The following NPAS3 variants were observed in gnomAD, a reference collection of about 807,000 sequenced individuals.
NPAS3 encodes neuronal PAS domain-containing protein 3.
In NPAS3, 14 loss-of-function variants were observed where a neutral mutation model predicts 73.1. That is an observed-to-expected ratio of 0.19 (90% CI 0.13 to 0.30). NPAS3 has a LOEUF of 0.30. NPAS3 is among the 10% of genes least tolerant of loss of function. NPAS3 has a pLI of 1.00. For synonymous variants in NPAS3, 620 were observed against 541.5 expected (o/e 1.14, Z -2.01); for missense variants, 1,096 against 1,250.0 (o/e 0.88, Z 1.86).
chr14:33,784,010 G>A (rs1217570840), intron 9 of NPAS3, among the ~76,000 whole-genome samples: 1 of 152,066 alleles, frequency 6.6e-6, no homozygotes, highest in East Asian at 1.9e-4. Context: ...TAACTCTCAG[G>A]GTACTCGATC....
At chr14:33,784,721 T>TATTTATTTA (rs796407399) in intron 9 of NPAS3, among the ~76,000 whole-genome samples, 1 of 104,068 alleles carries the variant, frequency 9.6e-6, no homozygotes, top group Admixed American at 1.1e-4. Context: ...TTATTGTTAT[T>TATTTATTTA]TTTATTTATT....
At chr14:32,983,535 A>C (rs2037982579) in intron 1 of NPAS3, among the ~76,000 whole-genome samples, 1 of 152,118 alleles carries the variant, frequency 6.6e-6, no homozygotes, top group African/African-American at 2.4e-5. Context: ...TTCCCTTTAT[A>C]GATGAAAAAA....
intron 7 of NPAS3, among the ~76,000 whole-genome samples, chr14:33,762,732 CA>C (rs1198207841): frequency 7.2e-5 from 11 of 152,094 alleles, no homozygotes; most frequent in Non-Finnish European, 1.0e-4. Context: ...AAGGAGTTTC[CA>C]AATGTGTGAC....
Position 33,601,126 on chromosome 14 carries a change from AACAG to A in NPAS3, c.558+40923_558+40926del, listed in dbSNP as rs545213523. Among the ~76,000 whole-genome samples the A allele has an allele frequency of 6.3e-3, 963 of 152,316 alleles. 3 individuals are homozygous for A. Among genetic ancestry groups the A allele is most frequent in the Non-Finnish European group, 0.011 (744 of 68,020 alleles). The stretch of plus-strand genomic sequence containing the variant: ...TTACTATGCAGATCTGGTTCCAAGA[AACAG>A]ACAGACTATCCATTCAGAATTTATG... On this transcript the variant is annotated intron_variant, in intron 5 of 11. Transcript: ENST00000356141.
chr14:33,001,269 C>T (rs2038795955), intron 1 of NPAS3, among the ~76,000 whole-genome samples: 1 of 152,046 alleles, frequency 6.6e-6, no homozygotes, highest in Admixed American at 6.6e-5. Flanking sequence ...TATATGGGGC[C>T]AGCTTGGAAG....
intron 2 of NPAS3, among the ~76,000 whole-genome samples, chr14:33,175,136 G>T (rs561272712): frequency 1.6e-4 from 24 of 152,264 alleles, no homozygotes; most frequent in African/African-American, 4.8e-4. Flanking sequence ...CTGTAATTCA[G>T]TTGATGTGTT....
rs1007888104 is a variant in NPAS3 at position 33,367,411 on chromosome 14, G to C, written c.468+143G>C. The C allele has an allele frequency of 1.9e-5, 10 of 530,594 alleles. No individual in the cohort carries two copies. In the African/African-American group the frequency reaches 1.9e-4, roughly 10 times the overall value. The allele number at this position is 530,594 out of a possible 1,614,324, so 32.9% of individuals were successfully genotyped here. On this transcript the variant is annotated intron_variant, in intron 4 of 11. Coordinates refer to ENST00000356141, the Ensembl canonical transcript of NPAS3. The stretch of plus-strand genomic sequence containing the variant: ...TATCTTGAAATTCCGAAATTCTTAT[G>C]AGTTTATTTTTTTCTTTTTAGAAAG...
At chr14:33,537,261 T>TG (rs2054297681) in intron 4 of NPAS3, among the ~76,000 whole-genome samples, 1 of 152,230 alleles carries the variant, frequency 6.6e-6, no homozygotes, top group Non-Finnish European at 1.5e-5. Context: ...ATTTTAATTG[T>TG]TGTGTATTTA....
rs575036837 is a variant in NPAS3 at position 33,089,822 on chromosome 14, G to C, written c.140+33828G>C. On this transcript the variant is annotated intron_variant, in intron 2 of 11. Coordinates refer to ENST00000356141, the Ensembl canonical transcript of NPAS3. ...CTCTCGGCAGAAACTCTACAAGCCA[G>C]AAGAGAGTGGAGGCCAATATTCAAC... 3.1e-3 allele frequency among the ~76,000 whole-genome samples: 468 copies of C among 152,302 alleles called. 3 individuals are homozygous for C. Among genetic ancestry groups the C allele is most frequent in the African/African-American group, 0.011 (457 of 41,562 alleles).
At chr14:33,717,230 C>CA (rs35800734) in intron 6 of NPAS3, among the ~76,000 whole-genome samples, 10,546 of 102,036 alleles carry the variant, frequency 0.1, 517 homozygotes, top group African/African-American at 0.14. Flanking sequence ...TGATCATGGC[C>CA]AAAAAAAAAA....
chr14:33,296,002 C>G (rs1240041947), intron 3 of NPAS3, among the ~76,000 whole-genome samples: 2 of 152,060 alleles, frequency 1.3e-5, no homozygotes, highest in Non-Finnish European at 2.9e-5. Flanking sequence ...AATCCTTAAG[C>G]AATACAAGAC....
chr14:32,985,280 G>A (rs1251669115), intron 1 of NPAS3, among the ~76,000 whole-genome samples: 1 of 152,124 alleles, frequency 6.6e-6, no homozygotes, highest in African/African-American at 2.4e-5. Flanking sequence ...TTTAGGTAGG[G>A]CTCGTGTGTG....
chr14:33,262,961 G>C (rs912454408), intron 3 of NPAS3, among the ~76,000 whole-genome samples: 2 of 152,092 alleles, frequency 1.3e-5, no homozygotes, highest in African/African-American at 4.8e-5. Flanking sequence ...CCCACTTGTT[G>C]ATGGGGTTGT....
chr14:33,151,499 T>TA (rs1217255458), intron 2 of NPAS3, among the ~76,000 whole-genome samples: 1 of 152,228 alleles, frequency 6.6e-6, no homozygotes, highest in Admixed American at 6.5e-5. Context: ...TTTTCTTGTG[T>TA]ATGCCTAAAA....
At chr14:33,337,871 T>C (rs2044297985) in intron 3 of NPAS3, among the ~76,000 whole-genome samples, 1 of 152,136 alleles carries the variant, frequency 6.6e-6, no homozygotes, top group South Asian at 2.1e-4. Context: ...AATTTTCAAA[T>C]ATTTGCTAGT....
chr14:33,777,581 G>C (rs2062860807), intron 8 of NPAS3, among the ~76,000 whole-genome samples: 1 of 150,842 alleles, frequency 6.6e-6, no homozygotes, highest in Non-Finnish European at 1.5e-5. Flanking sequence ...AACACATGAA[G>C]AGTAAAGAGA....
At chr14:33,685,562 G>C (rs1394468127) in intron 6 of NPAS3, among the ~76,000 whole-genome samples, 3 of 152,126 alleles carry the variant, frequency 2.0e-5, no homozygotes, top group Admixed American at 1.3e-4. Context: ...TGGCTCTGTA[G>C]GAGTGTCCTG....
At chr14:33,023,374 T>A (rs1252791441) in intron 1 of NPAS3, among the ~76,000 whole-genome samples, 3 of 152,216 alleles carry the variant, frequency 2.0e-5, no homozygotes, top group East Asian at 3.8e-4. Flanking sequence ...AATGAATATT[T>A]TTTTTCATTG....
intron 1 of NPAS3, among the ~76,000 whole-genome samples, chr14:33,009,044 G>A (rs1223175701): frequency 6.6e-6 from 1 of 152,154 alleles, no homozygotes; most frequent in East Asian, 1.9e-4. Context: ...CATAGTATGT[G>A]AGTCCAGACC....
Sources: allele counts gnomAD v4.1 joint callset (sites outside exome capture counted in the v4.1 genomes callset), GRCh38; gene constraint gnomAD v4.1.1; transcripts MANE v1.5; gene names NCBI Gene and HGNC (gene_info 2026-07-23, HGNC 2026-07-21).